The following OTUD7A variants were observed in gnomAD, a reference collection of about 807,000 sequenced individuals.
OTUD7A encodes OTU deubiquitinase 7A.
A neutral mutation model predicts 65.7 loss-of-function variants in OTUD7A; 12 were observed. The observed-to-expected ratio is 0.18, with a 90% confidence interval of 0.12 to 0.30. The LOEUF (loss-of-function observed/expected upper bound fraction) is 0.30, where lower values mean the gene tolerates loss of function less well. Ranked by LOEUF, OTUD7A falls within the 10% of genes least tolerant of loss-of-function variation. The pLI is 1.00. For missense variants in OTUD7A, 1,148 were observed against 1,304.8 expected, an observed-to-expected ratio of 0.88 and a Z score of 1.85; for synonymous variants, 641 against 586.3, an observed-to-expected ratio of 1.09 and a Z score of -1.35.
intron 8 of OTUD7A, among the ~76,000 whole-genome samples, chr15:31,510,988 TGTAAC>T (rs2041699818): frequency 9.6e-6 from 1 of 104,186 alleles, no homozygotes; most frequent in Admixed American, 1.1e-4. Flanking sequence ...TATATCTATA[TGTAAC>T]ATATGTATAT....
chr15:31,554,646 C>T (rs567660940), intron 5 of OTUD7A, among the ~76,000 whole-genome samples: 56 of 152,268 alleles, frequency 3.7e-4, no homozygotes, highest in African/African-American at 1.3e-3. Flanking sequence ...TCCTGCATTA[C>T]ACAAAAATGC....
chr15:31,654,455 C>T (rs1309959713), intron 3 of OTUD7A, among the ~76,000 whole-genome samples: 1 of 151,848 alleles, frequency 6.6e-6, no homozygotes, highest in African/African-American at 2.4e-5. Flanking sequence ...TTACTAACTC[C>T]ACAAATTGCA....
chr15:31,850,981 C>A (rs147867650), intron 1 of OTUD7A, among the ~76,000 whole-genome samples: 1 of 152,302 alleles, frequency 6.6e-6, no homozygotes, highest in Non-Finnish European at 1.5e-5. Context: ...CCCACCAACA[C>A]CACTACCACC....
intron 8 of OTUD7A, among the ~76,000 whole-genome samples, chr15:31,507,886 G>A (rs977890199): frequency 6.6e-5 from 10 of 152,198 alleles, no homozygotes; most frequent in African/African-American, 2.4e-4. Flanking sequence ...AGGAAGTCCA[G>A]CTGGCTTCAC....
intron 3 of OTUD7A, among the ~76,000 whole-genome samples, chr15:31,651,572 A>AAC (rs60554390): frequency 0.1 from 14,702 of 140,674 alleles, 946 homozygotes; most frequent in Non-Finnish European, 0.14. Context: ...AATCCCAAGG[A>AAC]ACACACACAC....
intron 3 of OTUD7A, among the ~76,000 whole-genome samples, chr15:31,631,581 C>G (rs1451026000): frequency 6.6e-6 from 1 of 152,166 alleles, no homozygotes; most frequent in African/African-American, 2.4e-5. Context: ...AGCTGCTCTT[C>G]TCGAGGAGTA....
chr15:31,802,737 A>G (rs1006931423), intron 1 of OTUD7A, among the ~76,000 whole-genome samples: 4 of 152,226 alleles, frequency 2.6e-5, no homozygotes, highest in African/African-American at 9.6e-5. Context: ...AGACCGGCTT[A>G]TTTTATAGAA....
At chr15:31,561,193 G>A (rs1348639872) in intron 4 of OTUD7A, among the ~76,000 whole-genome samples, 1 of 152,200 alleles carries the variant, frequency 6.6e-6, no homozygotes, top group African/African-American at 2.4e-5. Flanking sequence ...CAGGACATTA[G>A]AAAGAAGAGG....
chr15:31,703,077 C>T (rs1253363855), intron 1 of OTUD7A, among the ~76,000 whole-genome samples: 1 of 152,024 alleles, frequency 6.6e-6, no homozygotes, highest in African/African-American at 2.4e-5. Flanking sequence ...TGACCTAAGT[C>T]TCATACCTTG....
chr15:31,728,305 T>C (rs1415763461), intron 1 of OTUD7A, among the ~76,000 whole-genome samples: 1 of 152,168 alleles, frequency 6.6e-6, no homozygotes, highest in African/African-American at 2.4e-5. Context: ...GCTACTGGAT[T>C]CTCCCCATTT....
intron 8 of OTUD7A, among the ~76,000 whole-genome samples, chr15:31,523,518 T>G (rs1200999851): frequency 6.6e-6 from 1 of 152,208 alleles, no homozygotes; most frequent in East Asian, 1.9e-4. Flanking sequence ...GCTGGTCTTC[T>G]GTGTGGTCCC....
intron 1 of OTUD7A, among the ~76,000 whole-genome samples, chr15:31,788,251 T>C (rs1048489296): frequency 6.6e-6 from 1 of 152,236 alleles, no homozygotes; most frequent in South Asian, 2.1e-4. Flanking sequence ...CTAATGTGCC[T>C]GATATGGTGT....
intron 1 of OTUD7A, among the ~76,000 whole-genome samples, chr15:31,755,981 T>C (rs12916882): frequency 0.99 from 150,411 of 152,262 alleles, 74,325 homozygotes; most frequent in East Asian, 1. Flanking sequence ...TGCAAAGGCG[T>C]ATCATGAGTC....
At chr15:31,490,626 A>G (rs953860607) in intron 10 of OTUD7A, among the ~76,000 whole-genome samples, 1 of 152,234 alleles carries the variant, frequency 6.6e-6, no homozygotes, top group Non-Finnish European at 1.5e-5. Flanking sequence ...AGTAAGAATC[A>G]TTCAGCTAAA....
intron 1 of OTUD7A, among the ~76,000 whole-genome samples, chr15:31,805,013 C>T (rs986526087): frequency 5.3e-5 from 8 of 152,236 alleles, no homozygotes; most frequent in African/African-American, 1.9e-4. Context: ...CAGAAAGCAG[C>T]TGTGTGCAGA....
intron 1 of OTUD7A, among the ~76,000 whole-genome samples, chr15:31,869,682 T>C (rs1230879963): frequency 2.6e-5 from 4 of 152,186 alleles, no homozygotes; most frequent in Non-Finnish European, 5.9e-5. Context: ...CATTTGCACT[T>C]GTGTGAGGTA....
At chr15:31,485,545 G>C (rs948583552) in intron 12 of OTUD7A, among the ~76,000 whole-genome samples, 1 of 152,064 alleles carries the variant, frequency 6.6e-6, no homozygotes, top group Non-Finnish European at 1.5e-5. Flanking sequence ...AGTCTGAGGG[G>C]GGCACGACCA....
intron 1 of OTUD7A, among the ~76,000 whole-genome samples, chr15:31,746,505 A>G (rs1894481221): frequency 1.4e-5 from 1 of 70,886 alleles, no homozygotes; most frequent in Non-Finnish European, 3.1e-5. Context: ...TAGTTTTTAC[A>G]TATTTTTTTT....
At chr15:31,724,210 G>T (rs1399451096) in intron 1 of OTUD7A, among the ~76,000 whole-genome samples, 2 of 152,122 alleles carry the variant, frequency 1.3e-5, no homozygotes, top group East Asian at 1.9e-4. Context: ...TTACAAAAAC[G>T]ATTTTCCCTA....
Sources: gnomAD v4.1 joint callset for allele counts (sites outside exome capture counted in the v4.1 genomes callset) on GRCh38, gnomAD v4.1.1 for gene constraint, MANE v1.5 for transcripts, NCBI Gene and HGNC (gene_info 2026-07-23, HGNC 2026-07-21) for gene names.